Variants in GPD2 observed in about 807,000 individuals in gnomAD.
The protein encoded by GPD2 is glycerol-3-phosphate dehydrogenase, mitochondrial.
A neutral mutation model predicts 82.4 loss-of-function variants in GPD2; 54 were observed. That is an observed-to-expected ratio of 0.66 (90% confidence interval 0.53 to 0.82). GPD2 has a LOEUF of 0.82. Among genes scored for constraint, GPD2 ranks in the 40% least tolerant of loss-of-function variants. The pLI, the probability that GPD2 is intolerant of heterozygous loss-of-function variation, is 0.00. For missense variants in GPD2, 748 were observed against 896.2 expected, an observed-to-expected ratio of 0.83 and a Z score of 2.11; for synonymous variants, 288 against 306.1, an observed-to-expected ratio of 0.94 and a Z score of 0.62.
intron 6 of GPD2, among the ~76,000 whole-genome samples, chr2:156,545,076 A>G (rs901873977): frequency 2.6e-5 from 4 of 152,204 alleles, no homozygotes; most frequent in Non-Finnish European, 1.5e-5. Flanking sequence ...ATGTGCATGC[A>G]TGTGAGTACG....
At chr2:156,416,849 A>G in the GPD2 span, among the ~76,000 whole-genome samples, 1 of 152,206 alleles carries the variant, frequency 6.6e-6, no homozygotes, top group South Asian at 2.1e-4. Context: ...TGGATAAAAA[A>G]CAAAACAAAT....
At chr2:156,401,841 AC>A in the GPD2 span, among the ~76,000 whole-genome samples, 1 of 152,216 alleles carries the variant, frequency 6.6e-6, no homozygotes, top group East Asian at 1.9e-4. Flanking sequence ...TGTGAATGAT[AC>A]AACAAAAGAT....
At chr2:156,438,114 A>G (rs1040527195) in intron 1 of GPD2, among the ~76,000 whole-genome samples, 6 of 152,074 alleles carry the variant, frequency 3.9e-5, no homozygotes, top group East Asian at 1.9e-4. Context: ...GTGACCTCCA[A>G]TGCCTAGAGG....
At chr2:156,496,326 A>G (rs1684377481) in intron 3 of GPD2, 111 bp downstream of exon 3, 1 of 721,152 alleles carries the variant, frequency 1.4e-6, no homozygotes, top group Non-Finnish European at 2.4e-6. Context: ...GCACCTATCA[A>G]CCCATCACCT....
rs114746477 is a variant in GPD2, at chr2:156,571,963, C to G, written c.1767+671C>G. 7.3e-3 allele frequency among the ~76,000 whole-genome samples: 1,119 copies of G among 152,268 alleles called. 12 individuals carry two copies. Among genetic ancestry groups the G allele is most frequent in the Middle Eastern group, 0.024 (7 of 294 alleles). ...CTCTTGAACCCATTTCATTTAGGCA[C>G]TTTTGCCACCACTTTGCTGCATTAG... On this transcript the variant is annotated intron_variant, in intron 13 of 16. Transcript: ENST00000438166.
In GPD2 at chr2:156,569,534, G is replaced by A. The variant is rs929648629; in HGVS notation, c.1472G>A (p.Ser491Asn). Residue 491 changes from serine to asparagine, a missense_variant, in exon 11 of 17, where the codon AGC becomes AAC. Coordinates refer to ENST00000438166, the MANE Select transcript of GPD2 (RefSeq NM_000408.5). ...IRLVQDYGLE[S>N]EVAQHLAATY... ...CTTGTGCAGGATTATGGACTTGAAAGCGAGGTGAGTGTGCATTGCCACATC... is the reference window on the plus strand; with the variant it reads ...CTTGTGCAGGATTATGGACTTGAAAACGAGGTGAGTGTGCATTGCCACATC... The A allele has an allele frequency of 6.2e-7, 1 of 1,611,164 alleles. No homozygotes were observed. The highest frequency in any genetic ancestry group is 8.5e-7 in the Non-Finnish European group (1 of 1,177,528).
chr2:156,464,381 G>GTT (rs1683083936), intron 1 of GPD2, among the ~76,000 whole-genome samples: 1 of 152,002 alleles, frequency 6.6e-6, no homozygotes, highest in African/African-American at 2.4e-5. Flanking sequence ...TCTGTACTTT[G>GTT]GCTCTTTGTT....
intron 1 of GPD2, among the ~76,000 whole-genome samples, chr2:156,444,434 A>C (rs1477828228): frequency 1.2e-4 from 19 of 152,096 alleles, no homozygotes; most frequent in Non-Finnish European, 4.4e-5. Context: ...TAGATTCCGC[A>C]GGGGGCAGTG....
intron 5 of GPD2, among the ~76,000 whole-genome samples, chr2:156,512,551 T>G (rs529756717): frequency 6.6e-6 from 1 of 152,354 alleles, no homozygotes; most frequent in South Asian, 2.1e-4. Flanking sequence ...ATTCTGTATT[T>G]GTAATTAGTA....
At chr2:156,458,080 C>T (rs1558908255) in intron 1 of GPD2, among the ~76,000 whole-genome samples, 2 of 152,084 alleles carry the variant, frequency 1.3e-5, no homozygotes, top group East Asian at 1.9e-4. Flanking sequence ...TTGAATATGC[C>T]GAGGACAGCA....
At chr2:156,511,681 GTC>G (rs1458611615) in intron 4 of GPD2, among the ~76,000 whole-genome samples, 1 of 152,168 alleles carries the variant, frequency 6.6e-6, no homozygotes, top group Non-Finnish European at 1.5e-5. Flanking sequence ...AAATCTATGA[GTC>G]TGTTATCTTA....
At chr2:156,558,993 T>A (rs769632317) in intron 9 of GPD2, among the ~76,000 whole-genome samples, 5 of 152,022 alleles carry the variant, frequency 3.3e-5, no homozygotes, top group Admixed American at 2.0e-4. Context: ...TGTGGTCTAA[T>A]CATGTCTTAT....
the GPD2 span, among the ~76,000 whole-genome samples, chr2:156,409,396 A>G: frequency 6.6e-6 from 1 of 152,194 alleles, no homozygotes; most frequent in Non-Finnish European, 1.5e-5. Context: ...GCTAAACACA[A>G]CAATAATAGT....
chr2:156,419,049 CTTTTTTTTTTTT>C, the GPD2 span, among the ~76,000 whole-genome samples: 61 of 77,218 alleles, frequency 7.9e-4, no homozygotes, highest in Non-Finnish European at 1.4e-3. Flanking sequence ...TTCTTTCCTT[CTTTTTTTTTTTT>C]TTTTTTTTTT....
intron 2 of GPD2, chr2:156,495,594 A>G (rs1411876206): frequency 2.4e-5 from 11 of 463,668 alleles, no homozygotes; most frequent in Non-Finnish European, 4.9e-5. Context: ...TGAGGAATGA[A>G]GAATGTATAC....
At chr2:156,530,510 G>A (rs1293385064) in intron 6 of GPD2, among the ~76,000 whole-genome samples, 5 of 150,236 alleles carry the variant, frequency 3.3e-5, no homozygotes, top group African/African-American at 7.3e-5. Flanking sequence ...TCTTGTGCCA[G>A]TTTTCAAAGG....
At chr2:156,508,345 A>G (rs1684860921) in intron 3 of GPD2, among the ~76,000 whole-genome samples, 1 of 152,168 alleles carries the variant, frequency 6.6e-6, no homozygotes, top group South Asian at 2.1e-4. Context: ...GAGAGAGAGC[A>G]CTTCCCAGTC....
chr2:156,556,944 T>A (rs1361261082), intron 8 of GPD2, among the ~76,000 whole-genome samples: 2 of 152,246 alleles, frequency 1.3e-5, no homozygotes, highest in Non-Finnish European at 1.5e-5. Flanking sequence ...TACTGAGCGA[T>A]GAAATGTCAA....
chr2:156,409,527 A>C, the GPD2 span, among the ~76,000 whole-genome samples: 2 of 151,256 alleles, frequency 1.3e-5, no homozygotes, highest in African/African-American at 4.9e-5. Flanking sequence ...CAGACCCCCC[A>C]ACTCCACAAA....
Sources: allele counts gnomAD v4.1 joint callset (sites outside exome capture counted in the v4.1 genomes callset), GRCh38; gene constraint gnomAD v4.1.1; transcripts MANE v1.5; gene names NCBI Gene and HGNC (gene_info 2026-07-23, HGNC 2026-07-21).